L3HYPDH: variants seen among roughly 807,000 people sequenced by gnomAD.
L3HYPDH encodes trans-L-3-hydroxyproline dehydratase.
Under a neutral mutation model 26.5 loss-of-function variants are expected in L3HYPDH, and 32 were observed. The observed-to-expected ratio is 1.21, with a 90% confidence interval of 0.91 to 1.62. The LOEUF (loss-of-function observed/expected upper bound fraction) is 1.62, where lower values mean the gene tolerates loss of function less well. Ranked by LOEUF, L3HYPDH falls within the 40% of genes most tolerant of loss-of-function variation. The pLI, the probability that L3HYPDH is intolerant of heterozygous loss-of-function variation, is 0.00. For synonymous variants in L3HYPDH, 215 were observed against 196.6 expected, an observed-to-expected ratio of 1.09 and a Z score of -0.78; for missense variants, 554 against 476.4, an observed-to-expected ratio of 1.16 and a Z score of -1.52.
intron 1 of L3HYPDH, 55 bp downstream of exon 1, chr14:59,483,753 GT>G (rs1248604305): frequency 6.4e-7 from 1 of 1,564,956 alleles, no homozygotes; most frequent in South Asian, 1.2e-5. Flanking sequence ...CGTTAATGTA[GT>G]TAGTCGCGTC....
chr14:59,500,965 A>G, the L3HYPDH span: 1 of 454,016 alleles, frequency 2.2e-6, no homozygotes, highest in Non-Finnish European at 3.9e-6. Flanking sequence ...CTACAACTGC[A>G]GAGCTGGGTA....
chr14:59,484,775 A>G (rs1890393239), upstream of L3HYPDH: 2 of 939,306 alleles, frequency 2.1e-6, no homozygotes, highest in Middle Eastern at 2.7e-4. Flanking sequence ...GTCTGTCCGC[A>G]ACGGGCTACT....
intron 4 of L3HYPDH, chr14:59,474,355 G>A (rs1889478895): frequency 1.8e-6 from 1 of 567,882 alleles, no homozygotes; most frequent in Admixed American, 3.3e-5. Context: ...AGAGTCAGGA[G>A]GCAGGATGGG....
intron 4 of L3HYPDH, chr14:59,474,383 C>T: frequency 1.6e-6 from 1 of 607,842 alleles, no homozygotes; most frequent in South Asian, 2.0e-5. Context: ...AGTTGTTCAG[C>T]TGCTTCCCAG....
In L3HYPDH at chr14:59,484,255, G is replaced by T; in HGVS notation, c.62C>A (p.Ser21Ter). 1 of 1,597,788 alleles carries T rather than the reference G, an allele frequency of 6.3e-7. No individual in the cohort carries two copies. Among genetic ancestry groups the T allele is most frequent in the Non-Finnish European group, 8.5e-7 (1 of 1,179,558 alleles). Residue 21 changes from serine (S) to a stop codon, truncating the protein, a stop_gained, in exon 1 of 5, where the codon TCG becomes TAG. Transcript: ENST00000247194. LOFTEE classifies it high-confidence loss of function. ...GCCGCCCGTGTGCATGTCCACCACC[G>T]ACAGCACCGGCGTCCCTGGATCATG... ...PPHDPGTPVL[S>*]VVDMHTGGEP...
chr14:59,486,594 C>T (rs1303940193), upstream of L3HYPDH: 4 of 693,714 alleles, frequency 5.8e-6, no homozygotes, highest in African/African-American at 1.8e-5. Flanking sequence ...AGACTTTTGT[C>T]TAATACATAT....
chr14:59,478,565 A>G (rs1383607592), intron 2 of L3HYPDH, among the ~76,000 whole-genome samples: 1 of 152,218 alleles, frequency 6.6e-6, no homozygotes, highest in Non-Finnish European at 1.5e-5. Flanking sequence ...AGCCTGGGTG[A>G]CAGAGCAAGA....
chr14:59,499,781 G>A, the L3HYPDH span, among the ~76,000 whole-genome samples: 2 of 152,098 alleles, frequency 1.3e-5, no homozygotes, highest in Non-Finnish European at 2.9e-5. Flanking sequence ...CAGAAATTCT[G>A]TTATCCGCCA....
chr14:59,498,805 T>A, the L3HYPDH span: 1 of 1,609,940 alleles, frequency 6.2e-7, no homozygotes, highest in Non-Finnish European at 8.5e-7. Context: ...TGAAGAAGAT[T>A]GCATGTGGGT....
rs763928993 is a variant in L3HYPDH at position 59,484,343 on chromosome 14, G to C, written c.-27C>G. 6 of 1,557,068 alleles carry C rather than the reference G, an allele frequency of 3.9e-6. No individual in the cohort carries two copies. The highest frequency in any genetic ancestry group is 5.2e-6 in the Non-Finnish European group (6 of 1,156,874). On this transcript the variant is annotated 5_prime_UTR_variant, in exon 1 of 5. Transcript: ENST00000247194. ...GTCTGCGTCGGGGGAGACGAGTACG[G>C]TCCCGCAGCTATGGCTTCAAGCCCG...
At chr14:59,469,802 A>C (rs1352912728), downstream of L3HYPDH, among the ~76,000 whole-genome samples, 1 of 152,168 alleles carries the variant, frequency 6.6e-6, no homozygotes, top group African/African-American at 2.4e-5. Context: ...TTGTCCTCTA[A>C]GTACTGAATC....
chr14:59,484,134 C>T lies in L3HYPDH; in HGVS notation c.183G>A (p.Val61=). Residue 61 remains valine, a synonymous_variant, in exon 1 of 5, where the codon GTG becomes GTA. Coordinates refer to ENST00000247194, the MANE Select transcript of L3HYPDH (RefSeq NM_144581.2). ...RRYMRQHLDH[V]RRRLMFEPRG... is the part of the protein sequence containing the mutation. ...GGGGCTCGAACATGAGCCGTCGCCG[C>T]ACGTGGTCAAGGTGCTGGCGCATGT... The T allele has an allele frequency of 6.2e-7, 1 of 1,602,444 alleles. No individual in the cohort carries two copies.
At chr14:59,482,665 G>A (rs1039939154) in intron 1 of L3HYPDH, among the ~76,000 whole-genome samples, 4 of 152,176 alleles carry the variant, frequency 2.6e-5, no homozygotes, top group Admixed American at 2.0e-4. Context: ...TTTCTCCAGA[G>A]GCATTCTTCG....
At chr14:59,504,089 T>C in the L3HYPDH span, 1 of 1,519,984 alleles carries the variant, frequency 6.6e-7, no homozygotes, top group African/African-American at 1.4e-5. Flanking sequence ...ACATGTGAAA[T>C]GCCAAAAACC....
chr14:59,485,007 C>A, upstream of L3HYPDH: 1 of 1,585,812 alleles, frequency 6.3e-7, no homozygotes, highest in Non-Finnish European at 8.5e-7. Flanking sequence ...GCGCCCGTCA[C>A]AAAGGGCAGG....
chr14:59,475,728 A>T, intron 4 of L3HYPDH, 141 bp downstream of exon 4: 2 of 879,728 alleles, frequency 2.3e-6, no homozygotes, highest in Non-Finnish European at 3.5e-6. Flanking sequence ...CCAATGTCCT[A>T]GTTGAAAAGA....
chr14:59,504,076 T>C, the L3HYPDH span: 1 of 1,595,564 alleles, frequency 6.3e-7, no homozygotes, highest in African/African-American at 1.3e-5. Context: ...ACACTGAGTG[T>C]AGACATGTGA....
At chr14:59,471,673 C>T (rs1028760877), downstream of L3HYPDH, among the ~76,000 whole-genome samples, 3 of 152,106 alleles carry the variant, frequency 2.0e-5, no homozygotes, top group East Asian at 5.8e-4. Flanking sequence ...TCAGTATGTA[C>T]CTGATAGATT....
the L3HYPDH span, among the ~76,000 whole-genome samples, chr14:59,497,031 C>T: frequency 2.1e-5 from 3 of 142,954 alleles, no homozygotes; most frequent in African/African-American, 7.8e-5. Context: ...CAACAAAAAG[C>T]AATAGCACAC....
Sources: allele counts gnomAD v4.1 joint callset (sites outside exome capture counted in the v4.1 genomes callset), GRCh38; gene constraint gnomAD v4.1.1; transcripts MANE v1.5; gene names NCBI Gene and HGNC (gene_info 2026-07-23, HGNC 2026-07-21).